PHTF2: variants seen among roughly 807,000 people sequenced by gnomAD.
The protein encoded by PHTF2 is protein PHTF2.
A neutral mutation model predicts 101.2 loss-of-function variants in PHTF2; 60 were observed. The ratio of observed to expected loss-of-function variants is 0.59; its 90% CI spans 0.48 to 0.73. The LOEUF (loss-of-function observed/expected upper bound fraction) is 0.73. Among genes scored for constraint, PHTF2 ranks in the 30% least tolerant of loss-of-function variants. The pLI is 0.00. For synonymous variants in PHTF2, 311 were observed against 307.3 expected, an observed-to-expected ratio of 1.01 and a Z score of -0.13; for missense variants, 747 against 908.7, an observed-to-expected ratio of 0.82 and a Z score of 2.29.
chr7:77,838,913 G>C (rs1795664395), intron 1 of PHTF2, among the ~76,000 whole-genome samples: 1 of 152,092 alleles, frequency 6.6e-6, no homozygotes, highest in Non-Finnish European at 1.5e-5. Context: ...AATAAATTCT[G>C]CTTTAAATTT....
intron 3 of PHTF2, among the ~76,000 whole-genome samples, chr7:77,870,437 TC>T (rs780337976): frequency 6.6e-6 from 1 of 152,160 alleles, no homozygotes; most frequent in African/African-American, 2.4e-5. Context: ...AATCCGCTGT[TC>T]AAGGGCAGGA....
intron 2 of PHTF2, among the ~76,000 whole-genome samples, chr7:77,846,754 T>C (rs573726162): frequency 6.6e-6 from 1 of 151,960 alleles, no homozygotes. Context: ...GCAGTCCTCT[T>C]GCTCAGCCTT....
chr7:77,947,890 G>A (rs1806215759), intron 16 of PHTF2, among the ~76,000 whole-genome samples: 1 of 136,876 alleles, frequency 7.3e-6, no homozygotes, highest in African/African-American at 2.8e-5. Flanking sequence ...CCAGGCTGGA[G>A]TGCAGTGGCA....
exon 3 of PHTF2, chr7:77,854,739 C>T (rs763773433): frequency 7.0e-6 from 5 of 714,664 alleles, no homozygotes; most frequent in Admixed American, 3.9e-5. Context: ...GTAGGAGTTT[C>T]TCTCTGTGGC....
intron 1 of PHTF2, among the ~76,000 whole-genome samples, chr7:77,831,681 G>C (rs1474915186): frequency 1.3e-5 from 2 of 152,170 alleles, no homozygotes; most frequent in South Asian, 2.1e-4. Context: ...AACTGATTTG[G>C]TAATTTTGTG....
chr7:77,860,769 TG>T (rs1363147531), intron 3 of PHTF2, among the ~76,000 whole-genome samples: 2 of 152,164 alleles, frequency 1.3e-5, no homozygotes, highest in Admixed American at 6.5e-5. Flanking sequence ...TGGAGTGCAG[TG>T]GCACAATCAC....
At chr7:77,951,975 A>G (rs1562980161) in intron 18 of PHTF2, among the ~76,000 whole-genome samples, 1 of 152,106 alleles carries the variant, frequency 6.6e-6, no homozygotes, top group Non-Finnish European at 1.5e-5. Context: ...TTGGAAATGT[A>G]TGCCTCCTAC....
At chr7:77,896,380 A>G (rs2150811300) in intron 5 of PHTF2, among the ~76,000 whole-genome samples, 1 of 152,166 alleles carries the variant, frequency 6.6e-6, no homozygotes, top group East Asian at 1.9e-4. Flanking sequence ...ACAAAGTGAG[A>G]CACTATCTCT....
At chr7:77,954,641 T>TATATATATATATATAC in intron 19 of PHTF2, among the ~76,000 whole-genome samples, 1 of 142,100 alleles carries the variant, frequency 7.0e-6, no homozygotes, top group African/African-American at 2.5e-5. Flanking sequence ...TATATATATA[T>TATATATATATATATAC]ATATAGCCAC....
At chr7:77,928,680 G>A (rs1804287882) in intron 11 of PHTF2, among the ~76,000 whole-genome samples, 1 of 152,150 alleles carries the variant, frequency 6.6e-6, no homozygotes, top group African/African-American at 2.4e-5. Context: ...TGCATCTCAG[G>A]AATATTGTAT....
At chr7:77,944,507 G>A (rs1020274096) in intron 16 of PHTF2, among the ~76,000 whole-genome samples, 1 of 152,170 alleles carries the variant, frequency 6.6e-6, no homozygotes, top group Non-Finnish European at 1.5e-5. Context: ...TAACCCTCAT[G>A]TCAAAAAGTT....
At chr7:77,838,201 A>G (rs1795615716) in intron 1 of PHTF2, among the ~76,000 whole-genome samples, 1 of 152,218 alleles carries the variant, frequency 6.6e-6, no homozygotes, top group Non-Finnish European at 1.5e-5. Context: ...GTTGAAGTTA[A>G]TAAATCATAC....
chr7:77,852,822 T>C (rs929135846), intron 2 of PHTF2, among the ~76,000 whole-genome samples: 10 of 152,194 alleles, frequency 6.6e-5, no homozygotes, highest in African/African-American at 2.4e-4. Flanking sequence ...TATTTTTCCT[T>C]CATGTTTGAA....
At chr7:77,914,438 A>T (rs551243488) in intron 9 of PHTF2, among the ~76,000 whole-genome samples, 42 of 152,338 alleles carry the variant, frequency 2.8e-4, no homozygotes, top group African/African-American at 9.9e-4. Flanking sequence ...GCTAAGGCAC[A>T]GTGGAGGAGG....
chr7:77,924,377 C>CA (rs1376480547), intron 11 of PHTF2, among the ~76,000 whole-genome samples: 24 of 151,020 alleles, frequency 1.6e-4, no homozygotes, highest in South Asian at 6.3e-4. Flanking sequence ...TAACCAAAAC[C>CA]AAAAAAAACA....
intron 2 of PHTF2, among the ~76,000 whole-genome samples, chr7:77,844,763 G>A (rs1415142166): frequency 2.6e-5 from 4 of 152,126 alleles, no homozygotes; most frequent in East Asian, 1.9e-4. Context: ...GACCTCATGC[G>A]ATTTGCCCAC....
At chr7:77,825,483 G>A (rs917441224) in intron 1 of PHTF2, among the ~76,000 whole-genome samples, 3 of 152,214 alleles carry the variant, frequency 2.0e-5, no homozygotes, top group Admixed American at 1.3e-4. Flanking sequence ...ATGGTACTCT[G>A]AGTTAAGGGC....
rs1312395822 is a variant in PHTF2 at position 77,893,776 on chromosome 7, T to C, written c.204+112T>C. ...TTTAAGATATAAATTACTATTCTAT[T>C]GAAGCTTTTAAAGAAAGAAGTAAAC... On this transcript the variant is annotated intron_variant, in intron 4 of 19. Coordinates refer to ENST00000416283, the Ensembl canonical transcript of PHTF2. The C allele has an allele frequency of 4.9e-6, 3 of 618,356 alleles. No homozygotes were observed. The African/African-American group carries it at 5.5e-5, about 11-fold the overall frequency. 38.3% of individuals were successfully genotyped at this position (618,356 alleles called of 1,614,324 possible). A position where few individuals can be genotyped will look rare whatever the true frequency, so the allele number is the denominator to read the frequency against.
At chr7:77,925,784 T>A (rs1803938848) in intron 11 of PHTF2, among the ~76,000 whole-genome samples, 1 of 151,926 alleles carries the variant, frequency 6.6e-6, no homozygotes, top group African/African-American at 2.4e-5. Context: ...CTTGGCCGGG[T>A]GCGGTGCTCA....
Sources: gnomAD v4.1 joint callset for allele counts (sites outside exome capture counted in the v4.1 genomes callset) on GRCh38, gnomAD v4.1.1 for gene constraint, MANE v1.5 for transcripts, NCBI Gene and HGNC (gene_info 2026-07-23, HGNC 2026-07-21) for gene names.